CCDC144A: variants seen among roughly 807,000 people sequenced by gnomAD.
CCDC144A encodes the protein coiled-coil domain-containing protein 144A.
CCDC144A carries 41 observed loss-of-function variants against 143.8 expected under a neutral mutation model. The observed-to-expected ratio is 0.29, with a 90% CI of 0.22 to 0.37. The LOEUF (loss-of-function observed/expected upper bound fraction) is 0.37, where lower values mean the gene tolerates loss of function less well. Ranked by LOEUF, CCDC144A falls within the 10% of genes least tolerant of loss-of-function variation. The pLI is 1.00. For synonymous variants in CCDC144A, 242 were observed against 517.9 expected, an observed-to-expected ratio of 0.47 and a Z score of 7.23; for missense variants, 637 against 1,488.8, an observed-to-expected ratio of 0.43 and a Z score of 9.41.
At position 16,762,389 on chromosome 17, in the gene CCDC144A, A is replaced by G. The variant is rs1188808651; in HGVS notation, c.3743A>G (p.Glu1248Gly). 6.3e-7 allele frequency: 1 copy of G among 1,592,784 alleles called. No individual in the cohort carries two copies. The highest frequency in any genetic ancestry group is 1.8e-5 in the Admixed American group (1 of 56,338). ...DNTTSIKTQM[E>G]LTIKDLESEI... ...ACTACTTCAATAAAAACTCAGATGG[A>G]ACTCACAATCAAAGATCTGGAATCT... Residue 1248 changes from glutamate (E) to glycine (G), a missense_variant, in exon 14 of 17, where the codon GAA (glutamate) becomes GGA (glycine). Coordinates refer to ENST00000399273, the MANE Select transcript of CCDC144A (RefSeq NM_001382000.1).
At chr17:16,681,367 T>C in the CCDC144A span, among the ~76,000 whole-genome samples, 4 of 152,086 alleles carry the variant, frequency 2.6e-5, no homozygotes, top group Non-Finnish European at 5.9e-5. Context: ...TTTTTGAAAG[T>C]CTAAATGTAT....
chr17:16,723,932 TAAAAG>T (rs1913238177), intron 8 of CCDC144A, among the ~76,000 whole-genome samples: 1 of 152,078 alleles, frequency 6.6e-6, no homozygotes, highest in African/African-American at 2.4e-5. Context: ...TTTCTTAAGA[TAAAAG>T]TCAAGACCAT....
intron 12 of CCDC144A, among the ~76,000 whole-genome samples, chr17:16,747,206 C>T (rs189528165): frequency 3.9e-5 from 6 of 152,064 alleles, no homozygotes; most frequent in African/African-American, 1.4e-4. Flanking sequence ...TGTCAAAGAC[C>T]CAATGGTTGT....
Position 16,703,560 on chromosome 17 carries a change from T to G in CCDC144A, c.416-1591T>G, listed in dbSNP as rs576917111. ...TGGCTAACGCCTGTAATGCCAGCAC[T>G]TTGGGAGGCCAAGGCGGGCGGATTA... On this transcript the variant is annotated intron_variant, in intron 2 of 16. Transcript: ENST00000399273. Among the ~76,000 whole-genome samples, 854 of 152,224 alleles carry G rather than the reference T, an allele frequency of 5.6e-3. 10 individuals are homozygous for G. Among genetic ancestry groups the G allele is most frequent in the African/African-American group, 0.02 (812 of 41,538 alleles).
At chr17:16,710,220 C>G (rs1353585439) in intron 5 of CCDC144A, 3 of 163,146 alleles carry the variant, frequency 1.8e-5, no homozygotes, top group African/African-American at 7.2e-5. Context: ...GGGGCACCAC[C>G]AGATTTGCTA....
intron 9 of CCDC144A, among the ~76,000 whole-genome samples, chr17:16,729,963 CAT>C (rs59756018): frequency 0.25 from 23,384 of 93,892 alleles, 3,338 homozygotes; most frequent in East Asian, 0.38. Context: ...TAGGTAGTTT[CAT>C]ATATATATAT....
chr17:16,742,890 G>A (rs2621539), intron 12 of CCDC144A, among the ~76,000 whole-genome samples: 1 of 151,962 alleles, frequency 6.6e-6, no homozygotes, highest in East Asian at 1.9e-4. Context: ...TAAATTCTTT[G>A]TCCACATTTC....
At chr17:16,767,826 G>T (rs1288617555) in intron 15 of CCDC144A, among the ~76,000 whole-genome samples, 1 of 152,214 alleles carries the variant, frequency 6.6e-6, no homozygotes, top group African/African-American at 2.4e-5. Context: ...ATGACAGTTA[G>T]CATTTATTGC....
chr17:16,732,573 T>C lies in CCDC144A; in HGVS notation c.2325T>C (p.Leu775=). Residue 775 remains leucine, a synonymous_variant, in exon 11 of 17, where the codon CTT becomes CTC. Transcript: ENST00000399273. ...VQERNDAQKQ[L]SEEQDARILQ... ...AGAGAAACGATGCCCAGAAGCAACT[T>C]TCTGAAGAACAGGATGCCAGAATAT... 2.5e-6 allele frequency: 4 copies of C among 1,610,004 alleles called. No individual in the cohort carries two copies. The highest frequency in any genetic ancestry group is 3.4e-6 in the Non-Finnish European group (4 of 1,178,642).
intron 10 of CCDC144A, 24 bp from the exon 11 acceptor site, chr17:16,732,514 C>G: frequency 6.3e-7 from 1 of 1,597,298 alleles, no homozygotes; most frequent in Non-Finnish European, 8.5e-7. Flanking sequence ...TGCTATTAGA[C>G]CAAAACCTCC....
At chr17:16,740,436 A>G (rs4034576) in intron 12 of CCDC144A, among the ~76,000 whole-genome samples, 1 of 152,244 alleles carries the variant, frequency 6.6e-6, no homozygotes, top group Non-Finnish European at 1.5e-5. Context: ...TTCCAGGAGT[A>G]CAGCAACTGG....
chr17:16,676,117 C>A, the CCDC144A span, among the ~76,000 whole-genome samples: 1 of 151,828 alleles, frequency 6.6e-6, no homozygotes, highest in South Asian at 2.1e-4. Context: ...ACTGTGATTG[C>A]TTTGTGGAGA....
At chr17:16,695,958 G>A (rs537641709) in intron 2 of CCDC144A, among the ~76,000 whole-genome samples, 27 of 152,168 alleles carry the variant, frequency 1.8e-4, no homozygotes, top group African/African-American at 6.3e-4. Context: ...AGTTTTGCCA[G>A]TGCAAAACAT....
chr17:16,674,220 C>T, the CCDC144A span, among the ~76,000 whole-genome samples: 2 of 151,792 alleles, frequency 1.3e-5, no homozygotes, highest in African/African-American at 2.4e-5. Context: ...TCCAGACCAG[C>T]CTAGGCAACA....
intron 1 of CCDC144A, among the ~76,000 whole-genome samples, chr17:16,691,154 G>A (rs531124404): frequency 6.6e-6 from 1 of 151,468 alleles, no homozygotes; most frequent in African/African-American, 2.4e-5. Flanking sequence ...TCGAGACCAG[G>A]CTGACCAACA....
intron 4 of CCDC144A, among the ~76,000 whole-genome samples, chr17:16,708,070 T>G (rs1375661632): frequency 6.6e-6 from 1 of 152,126 alleles, no homozygotes; most frequent in Non-Finnish European, 1.5e-5. Flanking sequence ...GAATCATACC[T>G]TGCAGAATGG....
chr17:16,716,605 G>A (rs1463755686), intron 6 of CCDC144A, among the ~76,000 whole-genome samples: 1 of 152,078 alleles, frequency 6.6e-6, no homozygotes, highest in Non-Finnish European at 1.5e-5. Flanking sequence ...TGACTATAAT[G>A]ACATTTAGGA....
chr17:16,770,296 C>T (rs1915776634), intron 15 of CCDC144A, among the ~76,000 whole-genome samples: 1 of 152,064 alleles, frequency 6.6e-6, no homozygotes, highest in Non-Finnish European at 1.5e-5. Context: ...ACTACAGGCG[C>T]CCACCACCAT....
chr17:16,761,050 G>A (rs1915335485), intron 12 of CCDC144A, among the ~76,000 whole-genome samples: 2 of 150,356 alleles, frequency 1.3e-5, no homozygotes, highest in Non-Finnish European at 2.9e-5. Flanking sequence ...AGTTTTGGCT[G>A]GGCGCGGTGG....
Sources: gnomAD v4.1 joint callset for allele counts (sites outside exome capture counted in the v4.1 genomes callset) on GRCh38, gnomAD v4.1.1 for gene constraint, MANE v1.5 for transcripts, NCBI Gene and HGNC (gene_info 2026-07-23, HGNC 2026-07-21) for gene names.